C3orf20: variants seen among roughly 807,000 people sequenced by gnomAD.
C3orf20 encodes the protein uncharacterized protein C3orf20.
C3orf20 carries 76 observed loss-of-function variants against 88.3 expected under a neutral mutation model. The ratio of observed to expected loss-of-function variants is 0.86; its 90% CI spans 0.72 to 1.04. C3orf20 has a LOEUF of 1.04. C3orf20 is among the 50% of genes least tolerant of loss of function. The pLI, the probability that C3orf20 is intolerant of heterozygous loss-of-function variation, is 0.00. For missense variants in C3orf20, 1,056 were observed against 1,123.3 expected (o/e 0.94, Z 0.86); for synonymous variants, 436 against 437.4 (o/e 1.00, Z 0.04).
intron 6 of C3orf20, 92 bp from the exon 7 acceptor site, chr3:14,704,245 G>T: frequency 7.6e-7 from 1 of 1,311,674 alleles, no homozygotes; most frequent in Non-Finnish European, 1.1e-6. Context: ...GAATGGGATA[G>T]GGGTCTTGGG....
At chr3:14,755,365 C>G (rs918689317) in intron 12 of C3orf20, among the ~76,000 whole-genome samples, 10 of 152,152 alleles carry the variant, frequency 6.6e-5, no homozygotes, top group Non-Finnish European at 1.5e-4. Context: ...AAAAAGCCTT[C>G]CTGCTCCAAA....
At position 14,704,518 on chromosome 3, in the gene C3orf20, T is replaced by G. The variant is rs2033416347; in HGVS notation, c.1060T>G (p.Ser354Ala). The change falls in exon 7 of 17, where the codon TCT becomes GCT. Residue 354 changes from serine to alanine, a missense_variant. By Grantham distance (99) the Ser-to-Ala change is moderately conservative. Coordinates refer to ENST00000253697, the MANE Select transcript of C3orf20 (RefSeq NM_032137.5). Reference protein sequence around the residue: ...QTLSPTSHPSSANHHFSQHCQ... With the variant: ...QTLSPTSHPSAANHHFSQHCQ... ...TCTCAGCCCCACCTCTCACCCATCTTCTGCCAACCATCATTTCAGTCAGCA... is the reference window on the plus strand; with the variant it reads ...TCTCAGCCCCACCTCTCACCCATCTGCTGCCAACCATCATTTCAGTCAGCA... The G allele has an allele frequency of 6.2e-7, 1 of 1,614,132 alleles. No individual in the cohort carries two copies. The highest frequency in any genetic ancestry group is 1.1e-5 in the South Asian group (1 of 91,078).
At chr3:14,712,454 A>G (rs769548970) in intron 7 of C3orf20, among the ~76,000 whole-genome samples, 2 of 152,218 alleles carry the variant, frequency 1.3e-5, no homozygotes, top group Non-Finnish European at 2.9e-5. Context: ...TTGTTATGAT[A>G]GCCCTAGGAA....
At chr3:14,735,238 A>G (rs2034668036) in intron 12 of C3orf20, among the ~76,000 whole-genome samples, 2 of 151,940 alleles carry the variant, frequency 1.3e-5, no homozygotes, top group African/African-American at 2.4e-5. Context: ...AATTACTTAA[A>G]TATTTGTACC....
At chr3:14,675,298 T>A (rs1176408243) in intron 1 of C3orf20, 46 bp downstream of exon 1, 1 of 152,140 alleles carries the variant, frequency 6.6e-6, no homozygotes. Flanking sequence ...ACTGAAAAAA[T>A]GAGAGTAGAT....
chr3:14,716,620 T>C (rs1323799826), intron 9 of C3orf20, among the ~76,000 whole-genome samples: 3 of 152,192 alleles, frequency 2.0e-5, no homozygotes, highest in African/African-American at 7.2e-5. Flanking sequence ...CCCTCCTCTC[T>C]TTGCCAGTGC....
At chr3:14,723,642 G>C (rs2034242359) in intron 10 of C3orf20, among the ~76,000 whole-genome samples, 1 of 152,120 alleles carries the variant, frequency 6.6e-6, no homozygotes, top group Non-Finnish European at 1.5e-5. Flanking sequence ...CTGTGAATCC[G>C]GCATGCATTG....
intron 5 of C3orf20, among the ~76,000 whole-genome samples, chr3:14,696,830 A>G (rs1331823148): frequency 6.6e-6 from 1 of 152,070 alleles, no homozygotes; most frequent in Admixed American, 6.6e-5. Flanking sequence ...TGATTGAAGT[A>G]CTGCCTTTAG....
Position 14,679,252 on chromosome 3 carries a change from G to C in C3orf20, c.-298-2918G>C, listed in dbSNP as rs2031953378. 2.0e-5 allele frequency among the ~76,000 whole-genome samples: 3 copies of C among 152,164 alleles called. No individual in the cohort carries two copies. In the South Asian group the frequency reaches 6.2e-4, roughly 32 times the overall value. On this transcript the variant is annotated intron_variant, in intron 1 of 16. Transcript: ENST00000253697. ...TCAGTTTTGTAAGTCTGCTCTGCCT[G>C]TTCATTGTTGAGTTACTTTAGGTCA...
At chr3:14,697,124 G>A (rs573995716) in intron 5 of C3orf20, among the ~76,000 whole-genome samples, 1 of 152,076 alleles carries the variant, frequency 6.6e-6, no homozygotes, top group Non-Finnish European at 1.5e-5. Context: ...TGACCTTTGG[G>A]AGTTTGGTTA....
chr3:14,704,591 C>T lies in C3orf20; in HGVS notation c.1133C>T (p.Thr378Ile). The part of the protein sequence containing the change: ...APKKAFKFHY[T>I]FYDGSSFVYY... ...AAGAAGGCCTTCAAGTTTCATTACA[C>T]CTTCTATGATGGCTCCTCCTTCGTT... Residue 378 changes from threonine (T) to isoleucine (I), a missense_variant, in exon 7 of 17, where the codon ACC becomes ATC. By Grantham distance (89) the Thr-to-Ile change is moderately conservative. Coordinates refer to ENST00000253697, the MANE Select transcript of C3orf20 (RefSeq NM_032137.5). The T allele has an allele frequency of 1.2e-6, 2 of 1,613,988 alleles. No homozygotes were observed. Among genetic ancestry groups the T allele is most frequent in the South Asian group, 1.1e-5 (1 of 91,080 alleles).
At chr3:14,739,092 A>C (rs187191704) in intron 12 of C3orf20, among the ~76,000 whole-genome samples, 1 of 152,130 alleles carries the variant, frequency 6.6e-6, no homozygotes, top group East Asian at 1.9e-4. Flanking sequence ...TGCCTGGCTC[A>C]CAAATATTCT....
chr3:14,741,031 A>G (rs142964886), intron 12 of C3orf20, among the ~76,000 whole-genome samples: 1 of 152,294 alleles, frequency 6.6e-6, no homozygotes, highest in Non-Finnish European at 1.5e-5. Flanking sequence ...TTAGTATGCC[A>G]GATATTGTGT....
chr3:14,735,503 A>G (rs1014378488), intron 12 of C3orf20, among the ~76,000 whole-genome samples: 8 of 152,274 alleles, frequency 5.3e-5, no homozygotes, highest in African/African-American at 1.9e-4. Context: ...ATCTTAGAAT[A>G]CTTTGTCCAT....
intron 12 of C3orf20, among the ~76,000 whole-genome samples, chr3:14,741,596 A>C (rs2034900127): frequency 6.6e-6 from 1 of 152,236 alleles, no homozygotes; most frequent in South Asian, 2.1e-4. Context: ...CCATTGTCAG[A>C]AGTGAAACAC....
At chr3:14,725,394 G>C (rs2034311723) in intron 10 of C3orf20, among the ~76,000 whole-genome samples, 1 of 152,178 alleles carries the variant, frequency 6.6e-6, no homozygotes, top group African/African-American at 2.4e-5. Context: ...ACCCATCAGA[G>C]AGACAGGCAG....
chr3:14,758,500 G>A (rs548433239), intron 13 of C3orf20, among the ~76,000 whole-genome samples: 1 of 152,276 alleles, frequency 6.6e-6, no homozygotes, highest in South Asian at 2.1e-4. Context: ...CAGTTTGAAG[G>A]CTGGCCCCAA....
chr3:14,694,603 G>A (rs569850395), intron 5 of C3orf20, among the ~76,000 whole-genome samples: 1 of 151,894 alleles, frequency 6.6e-6, no homozygotes, highest in South Asian at 2.1e-4. Flanking sequence ...GCAAAAGGTT[G>A]GTCAAATTTG....
At chr3:14,715,635 T>C (rs2033910214) in intron 9 of C3orf20, among the ~76,000 whole-genome samples, 1 of 152,278 alleles carries the variant, frequency 6.6e-6, no homozygotes, top group South Asian at 2.1e-4. Flanking sequence ...TTGGCTGCTT[T>C]ACAGACATTT....
Sources: gnomAD v4.1 joint callset for allele counts (sites outside exome capture counted in the v4.1 genomes callset) on GRCh38, gnomAD v4.1.1 for gene constraint, MANE v1.5 for transcripts, NCBI Gene and HGNC (gene_info 2026-07-23, HGNC 2026-07-21) for gene names.